FAM47E: variants seen among roughly 807,000 people sequenced by gnomAD.
FAM47E encodes the protein family with sequence similarity 47 member E, also known as protein FAM47E.
A neutral mutation model predicts 41.6 loss-of-function variants in FAM47E; 32 were observed. The ratio of observed to expected loss-of-function variants is 0.77; its 90% CI spans 0.58 to 1.03. The LOEUF is 1.03. FAM47E is among the 50% of genes least tolerant of loss of function. The pLI is 0.00. For synonymous variants in FAM47E, 184 were observed against 188.7 expected (o/e 0.98, Z 0.20); for missense variants, 424 against 485.4 (o/e 0.87, Z 1.19).
At chr4:76,275,455 G>A (rs1222131882) in intron 5 of FAM47E, among the ~76,000 whole-genome samples, 1 of 152,080 alleles carries the variant, frequency 6.6e-6, no homozygotes, top group African/African-American at 2.4e-5. Flanking sequence ...ATTTGTGTAT[G>A]CATTTATTCA....
rs534709774 is a variant in FAM47E, at chr4:76,260,543, C to T, written c.421-3161C>T. On this transcript the variant is annotated intron_variant, in intron 2 of 7. Transcript: ENST00000424749. ...AGAGTGAAACTGTGTCCCCATCTCT[C>T]ACCATATACAAAAATTAACTCAAGG... is the stretch of plus-strand genomic sequence containing the variant. Among the ~76,000 whole-genome samples the T allele has an allele frequency of 4.7e-5, 7 of 149,438 alleles. No individual in the cohort carries two copies. In the South Asian group the frequency reaches 1.1e-3, roughly 24 times the overall value.
At chr4:76,225,915 G>A (rs1042113682) in intron 2 of FAM47E, among the ~76,000 whole-genome samples, 35 of 152,250 alleles carry the variant, frequency 2.3e-4, no homozygotes, top group African/African-American at 7.7e-4. Context: ...GAATGATTTA[G>A]GGAGGATTTC....
At chr4:76,271,831 G>C in intron 5 of FAM47E, 63 bp downstream of exon 5, 2 of 1,497,734 alleles carry the variant, frequency 1.3e-6, no homozygotes, top group Non-Finnish European at 1.8e-6. Context: ...AAGTCTTAAA[G>C]TTCTTGAATT....
chr4:76,236,428 T>A (rs1014692846), intron 2 of FAM47E: 1 of 151,890 alleles, frequency 6.6e-6, no homozygotes, highest in Admixed American at 6.6e-5. Flanking sequence ...CACATCTGGG[T>A]TGTTGATGAA....
chr4:76,254,883 C>G (rs1326485171), intron 1 of FAM47E, among the ~76,000 whole-genome samples: 1 of 152,052 alleles, frequency 6.6e-6, no homozygotes, highest in African/African-American at 2.4e-5. Flanking sequence ...TCCTGTTTGC[C>G]CATCTGTCTC....
At chr4:76,214,492 G>A (rs531439252) in intron 1 of FAM47E, 14 of 358,328 alleles carry the variant, frequency 3.9e-5, no homozygotes, top group Admixed American at 7.3e-5. Context: ...CCTTTTGACT[G>A]TAGGCTCAGG....
At chr4:76,261,999 A>G (rs2110011091) in intron 2 of FAM47E, among the ~76,000 whole-genome samples, 1 of 152,322 alleles carries the variant, frequency 6.6e-6, no homozygotes, top group Middle Eastern at 3.4e-3. Context: ...GTTCAAAAAT[A>G]ATTATAGGAT....
chr4:76,268,647 A>G lies in FAM47E; in HGVS notation c.561-13A>G. On this transcript the variant is annotated splice_polypyrimidine_tract_variant and intron_variant, in intron 3 of 7. Coordinates refer to ENST00000424749, the MANE Select transcript of FAM47E (RefSeq NM_001136570.3). The stretch of plus-strand genomic sequence containing the variant: ...TGTCTCATATTGTAATTCTTTAATG[A>G]TCTTATCTTTAGTTCCAAGAAGACG... 3.2e-6 allele frequency: 5 copies of G among 1,548,696 alleles called. No individual in the cohort carries two copies. Among genetic ancestry groups the G allele is most frequent in the Non-Finnish European group, 3.5e-6 (4 of 1,146,218 alleles).
chr4:76,280,412 T>C, intron 7 of FAM47E, 71 bp downstream of exon 7: 1 of 904,694 alleles, frequency 1.1e-6, no homozygotes, highest in Non-Finnish European at 1.7e-6. Flanking sequence ...CGGGAAGAGG[T>C]TATGACCCTG....
intron 2 of FAM47E, among the ~76,000 whole-genome samples, chr4:76,258,339 G>A (rs571149053): frequency 7.9e-5 from 12 of 152,312 alleles, no homozygotes; most frequent in African/African-American, 2.6e-4. Flanking sequence ...TCCAAAGTCA[G>A]TCACTGTGGT....
intron 2 of FAM47E, among the ~76,000 whole-genome samples, chr4:76,231,035 C>A (rs745799527): frequency 1.3e-5 from 2 of 152,100 alleles, no homozygotes; most frequent in African/African-American, 2.4e-5. Context: ...GAGTTTGGAA[C>A]AAAAATGTGT....
chr4:76,248,649 G>A (rs1733884195), upstream of FAM47E, among the ~76,000 whole-genome samples: 2 of 152,118 alleles, frequency 1.3e-5, 1 homozygote, highest in Admixed American at 1.3e-4. Flanking sequence ...TTGGTACTTT[G>A]TTGCTAGTGT....
upstream of FAM47E, chr4:76,251,622 TCA>T (rs1733964932): frequency 7.4e-7 from 1 of 1,344,300 alleles, no homozygotes; most frequent in Non-Finnish European, 9.5e-7. Context: ...CAGCGGGGCG[TCA>T]GAGTTGCCAG....
At chr4:76,240,480 T>C (rs1423319094) in intron 2 of FAM47E, among the ~76,000 whole-genome samples, 2 of 152,110 alleles carry the variant, frequency 1.3e-5, no homozygotes, top group African/African-American at 4.8e-5. Context: ...GAATAATCTC[T>C]TTGCCCCTTT....
exon 1 of FAM47E, chr4:76,214,291 T>C (rs775418437): frequency 2.2e-6 from 1 of 456,206 alleles, no homozygotes; most frequent in South Asian, 1.5e-5. Flanking sequence ...GCAAGCATGT[T>C]CTGCCTGGAT....
chr4:76,247,106 C>T (rs1342749042), upstream of FAM47E, among the ~76,000 whole-genome samples: 3 of 152,064 alleles, frequency 2.0e-5, no homozygotes, highest in Admixed American at 1.3e-4. Flanking sequence ...ACTAACTCCT[C>T]ATTTCTTCCT....
At chr4:76,244,031 T>C (rs1365456746) in intron 2 of FAM47E, among the ~76,000 whole-genome samples, 1 of 152,228 alleles carries the variant, frequency 6.6e-6, no homozygotes, top group African/African-American at 2.4e-5. Context: ...CTGAGAATGA[T>C]AGTTTCCAGC....
Position 76,256,331 on chromosome 4 carries a change from C to T in FAM47E, c.228C>T (p.Pro76=). 1.3e-6 allele frequency: 2 copies of T among 1,551,670 alleles called. No individual in the cohort carries two copies. The highest frequency in any genetic ancestry group is 8.7e-7 in the Non-Finnish European group (1 of 1,146,998). The change falls in exon 2 of 8, where the codon CCC becomes CCT. Residue 76 remains proline (P), a synonymous_variant. Coordinates refer to ENST00000424749, the MANE Select transcript of FAM47E (RefSeq NM_001136570.3). The part of the protein sequence containing the change: ...VTQVPVEGFL[P]QIYHRAPQLA... The stretch of plus-strand genomic sequence containing the variant: ...AGGTCCCTGTGGAGGGCTTTCTGCC[C>T]CAGATTTATCACAGAGCTCCCCAAC...
chr4:76,216,904 C>G (rs914536081), intron 1 of FAM47E, among the ~76,000 whole-genome samples: 1 of 152,180 alleles, frequency 6.6e-6, no homozygotes, highest in African/African-American at 2.4e-5. Flanking sequence ...AGTCTGTGAT[C>G]CCACAGTAAT....
Sources: allele counts gnomAD v4.1 joint callset (sites outside exome capture counted in the v4.1 genomes callset), GRCh38; gene constraint gnomAD v4.1.1; transcripts MANE v1.5; gene names NCBI Gene and HGNC (gene_info 2026-07-23, HGNC 2026-07-21).